Variants in CFAP47 observed in about 807,000 individuals in gnomAD.
CFAP47 encodes the protein cilia- and flagella-associated protein 47.
In CFAP47, 29 loss-of-function variants were observed where a neutral mutation model predicts 148.1. That is an observed-to-expected ratio of 0.20 (90% CI 0.15 to 0.27). The LOEUF (loss-of-function observed/expected upper bound fraction) is 0.27. Among genes scored for constraint, CFAP47 ranks in the 10% least tolerant of loss-of-function variants. The probability of loss-of-function intolerance (pLI) is 1.00; values close to 1 mark genes in which losing one functional copy is unlikely to be tolerated. For missense variants in CFAP47, 1,872 were observed against 1,697.5 expected (o/e 1.10, Z -1.81); for synonymous variants, 664 against 577.3 (o/e 1.15, Z -2.15).
intron 33 of CFAP47, among the ~76,000 whole-genome samples, chrX:36,136,115 A>G (rs1939040339): frequency 9.0e-6 from 1 of 110,860 alleles, no homozygotes; most frequent in East Asian, 2.9e-4. Context: ...TTTCACTGTT[A>G]ACAAAATAAG....
At chrX:36,017,375 A>C (rs1937108884) in intron 22 of CFAP47, among the ~76,000 whole-genome samples, 1 of 111,826 alleles carries the variant, frequency 8.9e-6, no homozygotes, top group Non-Finnish European at 1.9e-5. Context: ...TGCTGCACAG[A>C]AGCTTTTTAA....
chrX:36,208,809 T>C (rs906573934), intron 45 of CFAP47, among the ~76,000 whole-genome samples: 1 of 110,183 alleles, frequency 9.1e-6, no homozygotes, highest in East Asian at 2.9e-4. Context: ...CTACTAAAAA[T>C]ACAAAAATTA....
Position 36,235,918 on chromosome X carries a change from C to A in CFAP47, c.7015-16C>A. 2.2e-6 allele frequency: 1 copy of A among 456,591 alleles called. No individual in the cohort carries two copies. Among genetic ancestry groups the A allele is most frequent in the Non-Finnish European group, 3.9e-6 (1 of 255,682 alleles). 37.6% of individuals were successfully genotyped at this position (456,591 alleles called of 1,213,427 possible). On this transcript the variant is annotated splice_polypyrimidine_tract_variant and intron_variant, in intron 46 of 63. Coordinates refer to ENST00000378653, the MANE Select transcript of CFAP47 (RefSeq NM_001304548.2). ...TATCATCTCTCTGATATTTCTGTAC[C>A]TTTTTCATGCTTTAGAAAAATCAAA...
intron 22 of CFAP47, among the ~76,000 whole-genome samples, chrX:36,024,209 C>T (rs183847229): frequency 1.8e-5 from 2 of 111,538 alleles, no homozygotes; most frequent in East Asian, 5.7e-4. Context: ...GTACTTCTGG[C>T]CCACGGTGTT....
chrX:36,171,604 C>A (rs1205208759), intron 39 of CFAP47, among the ~76,000 whole-genome samples: 1 of 110,641 alleles, frequency 9.0e-6, no homozygotes, highest in South Asian at 3.9e-4. Flanking sequence ...GATCAGATAG[C>A]TGTAGATATG....
At chrX:36,366,935 G>A (rs1201340335) in intron 61 of CFAP47, 31 bp from the exon 62 acceptor site, 9 of 1,011,597 alleles carry the variant, frequency 8.9e-6, no homozygotes, top group African/African-American at 1.9e-5. Flanking sequence ...TTTTCACGTA[G>A]TGTCATTTAA....
chrX:35,980,504 A>G (rs1415084026), intron 15 of CFAP47, among the ~76,000 whole-genome samples: 1 of 111,984 alleles, frequency 8.9e-6, no homozygotes, highest in South Asian at 3.7e-4. Flanking sequence ...CATATTCCCC[A>G]GGATTTGTCT....
At chrX:36,272,824 T>G (rs1481207968) in intron 49 of CFAP47, among the ~76,000 whole-genome samples, 9 of 111,770 alleles carry the variant, frequency 8.1e-5, no homozygotes, top group Non-Finnish European at 1.5e-4. Flanking sequence ...TTCCATAAAC[T>G]TTTTGAAGTT....
rs781918477 is a variant in CFAP47 at position 36,239,005 on chromosome X, A to G, written c.7332+2146A>G. On this transcript the variant is annotated intron_variant, in intron 48 of 63. Coordinates refer to ENST00000378653, the MANE Select transcript of CFAP47 (RefSeq NM_001304548.2). The stretch of plus-strand genomic sequence containing the variant: ...ATTGGTGCTAGTAACTATTTTTATG[A>G]TGCTTTGTATTTTTAAAAAGCTTTT... Among the ~76,000 whole-genome samples the G allele has an allele frequency of 4.5e-5, 5 of 112,273 alleles. No individual in the cohort carries two copies. The East Asian group carries it at 1.1e-3, about 25-fold the overall frequency.
chrX:35,949,981 A>G (rs1395741891), intron 4 of CFAP47, among the ~76,000 whole-genome samples: 3 of 111,868 alleles, frequency 2.7e-5, no homozygotes, highest in Non-Finnish European at 5.6e-5. Flanking sequence ...AATAACTTTG[A>G]GAAGGAGAGT....
chrX:36,099,423 C>T (rs1938334717), intron 31 of CFAP47, among the ~76,000 whole-genome samples: 1 of 108,629 alleles, frequency 9.2e-6, no homozygotes, highest in African/African-American at 3.4e-5. Flanking sequence ...CCTGCCTGTT[C>T]TTTGGCACTA....
At chrX:36,248,309 TAAAATATTTTTCTATGCTTTAGAA>T (rs199659952) in intron 48 of CFAP47, among the ~76,000 whole-genome samples, 11,488 of 104,238 alleles carry the variant, frequency 0.11, 620 homozygotes, top group East Asian at 0.25. Context: ...AGTATTAACA[TAAAATATTTTTCTATGCTTTAGAA>T]AAAATATTTT....
At chrX:36,297,297 C>G (rs16987455) in intron 51 of CFAP47, among the ~76,000 whole-genome samples, 5,894 of 111,600 alleles carry the variant, frequency 0.053, 420 homozygotes, top group African/African-American at 0.18. Context: ...ATAGACAAAG[C>G]TGTAATATCT....
chrX:35,928,811 A>AT (rs1447579625), intron 2 of CFAP47, among the ~76,000 whole-genome samples: 4 of 111,265 alleles, frequency 3.6e-5, no homozygotes, highest in Admixed American at 2.9e-4. Context: ...TCTATGATAT[A>AT]TTTTGAGTTA....
At chrX:36,048,120 C>G (rs971886257) in intron 26 of CFAP47, among the ~76,000 whole-genome samples, 3 of 112,035 alleles carry the variant, frequency 2.7e-5, no homozygotes, top group Admixed American at 1.9e-4. Context: ...TTGCCTTTCT[C>G]TCTTTAGGCA....
intron 61 of CFAP47, among the ~76,000 whole-genome samples, chrX:36,363,970 A>C (rs1424407227): frequency 8.9e-6 from 1 of 111,778 alleles, no homozygotes; most frequent in Non-Finnish European, 1.9e-5. Context: ...TAAAATAATG[A>C]AATAACAGAT....
At chrX:36,170,269 A>C in intron 39 of CFAP47, among the ~76,000 whole-genome samples, 1 of 111,666 alleles carries the variant, frequency 9.0e-6, no homozygotes, top group African/African-American at 3.3e-5. Flanking sequence ...TAGAGGGATA[A>C]ATGTATGGTG....
In CFAP47 at chrX:36,183,352, T is replaced by C. The variant is rs189178132; in HGVS notation, c.6104+3930T>C. Among the ~76,000 whole-genome samples, 4 of 111,139 alleles carry C rather than the reference T, an allele frequency of 3.6e-5. No individual in the cohort carries two copies. In the East Asian group the frequency reaches 1.1e-3, roughly 32 times the overall value. ...AAAATAAAGAAGAAAGGGGCCTCCTTCACCAAGGATCCCTGAGTGTACCCT... is the reference window on the plus strand; with the variant it reads ...AAAATAAAGAAGAAAGGGGCCTCCTCCACCAAGGATCCCTGAGTGTACCCT... On this transcript the variant is annotated intron_variant, in intron 40 of 63. Coordinates refer to ENST00000378653, the MANE Select transcript of CFAP47 (RefSeq NM_001304548.2).
At chrX:36,278,258 C>T (rs1267044159) in intron 49 of CFAP47, among the ~76,000 whole-genome samples, 1 of 112,043 alleles carries the variant, frequency 8.9e-6, no homozygotes, top group Non-Finnish European at 1.9e-5. Context: ...GTTCAAGCTA[C>T]CCCAGCTTCT....
Sources: gnomAD v4.1 joint callset for allele counts (sites outside exome capture counted in the v4.1 genomes callset) on GRCh38, gnomAD v4.1.1 for gene constraint, MANE v1.5 for transcripts, NCBI Gene and HGNC (gene_info 2026-07-23, HGNC 2026-07-21) for gene names.